ACSM3: variants seen among roughly 807,000 people sequenced by gnomAD.
ACSM3 encodes acyl-coenzyme A synthetase ACSM3, mitochondrial.
Under a neutral mutation model 74.1 loss-of-function variants are expected in ACSM3, and 61 were observed. The ratio of observed to expected loss-of-function variants is 0.82; its 90% CI spans 0.67 to 1.02. The LOEUF (loss-of-function observed/expected upper bound fraction) is 1.02, where lower values mean the gene tolerates loss of function less well. Ranked by LOEUF, ACSM3 falls within the 50% of genes least tolerant of loss-of-function variation. The pLI, the probability that ACSM3 is intolerant of heterozygous loss-of-function variation, is 0.00. For synonymous variants in ACSM3, 213 were observed against 241.5 expected (o/e 0.88, Z 1.09); for missense variants, 660 against 697.0 (o/e 0.95, Z 0.60).
At chr16:20,731,529 C>T (rs1182497626) in intron 1 of ACSM3, 2 of 227,488 alleles carry the variant, frequency 8.8e-6, no homozygotes, top group African/African-American at 2.3e-5. Flanking sequence ...ACTCAAACTG[C>T]TATTAACAAA....
chr16:20,774,727 T>C (rs2080235274), intron 2 of ACSM3, among the ~76,000 whole-genome samples: 1 of 152,178 alleles, frequency 6.6e-6, no homozygotes, highest in Admixed American at 6.5e-5. Context: ...CAGCAGTGGC[T>C]CCAGTGGGTC....
chr16:20,787,793 T>C (rs2080506296), intron 9 of ACSM3, among the ~76,000 whole-genome samples: 1 of 152,234 alleles, frequency 6.6e-6, no homozygotes. Context: ...GTTAAAGCTC[T>C]GTAAGTTCCA....
chr16:20,742,221 A>G (rs954589289), intron 1 of ACSM3: 2 of 368,620 alleles, frequency 5.4e-6, no homozygotes, highest in African/African-American at 4.3e-5. Context: ...TTCATCCAGC[A>G]CTGTTACAGA....
At chr16:20,749,981 C>G (rs901277902) in exon 2 of ACSM3, 3 of 152,240 alleles carry the variant, frequency 2.0e-5, no homozygotes, top group African/African-American at 7.2e-5. Flanking sequence ...CAGGTCAAGC[C>G]TATGCTGGGG....
At chr16:20,784,352 C>T (rs1342905081) in intron 7 of ACSM3, among the ~76,000 whole-genome samples, 2 of 152,198 alleles carry the variant, frequency 1.3e-5, no homozygotes, top group Admixed American at 1.3e-4. Context: ...CAGCAGATTA[C>T]AGAGTACTTC....
chr16:20,789,516 C>T (rs1475460518), intron 9 of ACSM3: 2 of 1,613,818 alleles, frequency 1.2e-6, no homozygotes, highest in Non-Finnish European at 1.7e-6. Context: ...TTCCTGTTTA[C>T]TCATATTGGG....
intron 12 of ACSM3, among the ~76,000 whole-genome samples, chr16:20,795,589 A>C (rs1218892875): frequency 1.3e-5 from 2 of 152,264 alleles, no homozygotes; most frequent in African/African-American, 4.8e-5. Flanking sequence ...ACCTAAGTGC[A>C]GGATACTTAA....
chr16:20,741,704 G>A (rs2079926946), intron 1 of ACSM3: 1 of 1,577,762 alleles, frequency 6.3e-7, no homozygotes, highest in African/African-American at 1.3e-5. Context: ...GCTTCCCGCC[G>A]CCAGGCTGAG....
chr16:20,744,256 CATAGTGAACT>C (rs1323818364), intron 1 of ACSM3, among the ~76,000 whole-genome samples: 4 of 152,232 alleles, frequency 2.6e-5, no homozygotes, highest in African/African-American at 9.6e-5. Flanking sequence ...TTTCTCCATA[CATAGTGAACT>C]ATAACCTAAT....
chr16:20,793,210 T>A (rs924929700), intron 12 of ACSM3, among the ~76,000 whole-genome samples: 2 of 152,176 alleles, frequency 1.3e-5, no homozygotes, highest in African/African-American at 4.8e-5. Context: ...GGCTCACACC[T>A]GTAATCCTAG....
chr16:20,741,493 A>G, intron 1 of ACSM3: 1 of 209,266 alleles, frequency 4.8e-6, no homozygotes, highest in Non-Finnish European at 9.2e-6. Context: ...CCGCCCGCCC[A>G]CCCCGGGACC....
chr16:20,764,694 G>A (rs1399141527), intron 1 of ACSM3: 1 of 152,274 alleles, frequency 6.6e-6, no homozygotes, highest in Non-Finnish European at 1.5e-5. Flanking sequence ...CTGCACTCCA[G>A]CCTGGGTGAC....
chr16:20,778,090 A>T (rs2080278080), intron 4 of ACSM3, among the ~76,000 whole-genome samples: 1 of 152,186 alleles, frequency 6.6e-6, no homozygotes, highest in African/African-American at 2.4e-5. Flanking sequence ...TGCTCCCAGC[A>T]CCTGTCACTG....
Position 20,790,597 on chromosome 16 carries a change from T to G in ACSM3, c.1235T>G (p.Val412Gly). ...SPAFDVKIVD[V>G]NGNVLPPGQE... ...TCTATTTTATCCTAGATTGTAGATG[T>G]AAATGGCAATGTTCTACCTCCTGGA... Residue 412 changes from valine (V) to glycine (G), a missense_variant, in exon 10 of 14, where the codon GTA becomes GGA. Physicochemically the swap from Val to Gly is moderately radical, Grantham distance 109. Coordinates refer to ENST00000289416, the MANE Select transcript of ACSM3 (RefSeq NM_005622.4). The surrounding 1 kb of genome is among the most constrained non-coding windows in gnomAD (Gnocchi z 4.0). 5 of 1,613,930 alleles carry G rather than the reference T, an allele frequency of 3.1e-6. No individual in the cohort carries two copies. The highest frequency in any genetic ancestry group is 3.4e-6 in the Non-Finnish European group (4 of 1,179,800).
intron 7 of ACSM3, 101 bp from the exon 8 acceptor site, chr16:20,784,883 C>T (rs1229260483): frequency 1.6e-5 from 21 of 1,334,554 alleles, no homozygotes; most frequent in African/African-American, 3.0e-5. Context: ...AATTAAAAAG[C>T]GACTAAAACA....
rs911747422 is a variant in ACSM3 at position 20,781,727 on chromosome 16, T to G, written c.959T>G (p.Ile320Ser). ...TTGCAGACACTCTCCAAGTACCCCA[T>G]CACAGTCTTCTGTTCAGCACCAACT... ...SILQTLSKYP[I>S]TVFCSAPTVY... The change falls in exon 7 of 14, where the codon ATC (isoleucine) becomes AGC (serine). Residue 320 changes from isoleucine (I) to serine (S), a missense_variant. Ile to Ser is a moderately radical substitution (Grantham distance 142). Coordinates refer to ENST00000289416, the MANE Select transcript of ACSM3 (RefSeq NM_005622.4). 1 of 1,613,232 alleles carries G rather than the reference T, an allele frequency of 6.2e-7. No individual in the cohort carries two copies. The highest frequency in any genetic ancestry group is 8.5e-7 in the Non-Finnish European group (1 of 1,179,202).
At chr16:20,739,715 G>C (rs1043695284) in intron 1 of ACSM3, among the ~76,000 whole-genome samples, 50 of 151,882 alleles carry the variant, frequency 3.3e-4, no homozygotes, top group African/African-American at 1.2e-3. Context: ...CAGCTACTCA[G>C]GAGGCTGAGG....
chr16:20,699,340 A>G (rs2152353181), intron 1 of ACSM3, among the ~76,000 whole-genome samples: 1 of 152,278 alleles, frequency 6.6e-6, no homozygotes, highest in South Asian at 2.1e-4. Flanking sequence ...GATCTCCAGT[A>G]TTTTCATTGA....
intron 1 of ACSM3, chr16:20,681,953 TA>T: frequency 3.9e-6 from 1 of 254,532 alleles, no homozygotes; most frequent in Non-Finnish European, 7.8e-6. Context: ...ACTCAAGTTG[TA>T]AAACATGTTT....
Sources: allele counts gnomAD v4.1 joint callset (sites outside exome capture counted in the v4.1 genomes callset), GRCh38; gene constraint gnomAD v4.1.1; non-coding constraint Gnocchi (gnomAD v3.1); transcripts MANE v1.5; gene names NCBI Gene and HGNC (gene_info 2026-07-23, HGNC 2026-07-21).